The following SMIM10L3 variants were observed in gnomAD, a reference collection of about 807,000 sequenced individuals.
The protein encoded by SMIM10L3 is small integral membrane protein 10 like 3.
chr7:6,334,068 T>TCC, the SMIM10L3 span, among the ~76,000 whole-genome samples: 3 of 151,120 alleles, frequency 2.0e-5, no homozygotes, highest in East Asian at 2.0e-4. Context: ...GGATGGAATC[T>TCC]ATCTCCTGAC....
At chr7:6,345,487 G>A in the SMIM10L3 span, among the ~76,000 whole-genome samples, 2 of 152,174 alleles carry the variant, frequency 1.3e-5, no homozygotes, top group South Asian at 4.2e-4. Context: ...AATAGTCCAG[G>A]CGAGTGGATA....
chr7:6,342,596 C>G, the SMIM10L3 span, among the ~76,000 whole-genome samples: 1 of 152,090 alleles, frequency 6.6e-6, no homozygotes, highest in Non-Finnish European at 1.5e-5. Flanking sequence ...TCCAGCAATT[C>G]TGCTCTAAGT....
chr7:6,337,765 T>C, the SMIM10L3 span, among the ~76,000 whole-genome samples: 2 of 151,602 alleles, frequency 1.3e-5, no homozygotes, highest in African/African-American at 2.4e-5. Flanking sequence ...ATAAACTATT[T>C]AATTCTCTCA....
chr7:6,336,163 A>G, the SMIM10L3 span, among the ~76,000 whole-genome samples: 1 of 125,476 alleles, frequency 8.0e-6, no homozygotes, highest in Non-Finnish European at 1.6e-5. Context: ...ACAGAGTGAG[A>G]TTTTGCCTCA....
chr7:6,341,530 T>A, the SMIM10L3 span, among the ~76,000 whole-genome samples: 298 of 141,838 alleles, frequency 2.1e-3, 1 homozygote, highest in African/African-American at 7.2e-3. Flanking sequence ...TAAAAAAAAA[T>A]TTTTTTTAAA....
chr7:6,333,043 G>C, the SMIM10L3 span, among the ~76,000 whole-genome samples: 1 of 151,864 alleles, frequency 6.6e-6, no homozygotes, highest in African/African-American at 2.4e-5. Flanking sequence ...TGTAATCCCA[G>C]CTACCAGGGA....
the SMIM10L3 span, among the ~76,000 whole-genome samples, chr7:6,344,287 ACT>A: frequency 6.6e-6 from 1 of 152,132 alleles, no homozygotes; most frequent in South Asian, 2.1e-4. Context: ...ATGAACAAAA[ACT>A]CTAAAACCTG....
chr7:6,340,700 C>A, the SMIM10L3 span, among the ~76,000 whole-genome samples: 1 of 151,830 alleles, frequency 6.6e-6, no homozygotes, highest in African/African-American at 2.4e-5. Context: ...GAGATCGAGA[C>A]CATCCTGGCT....
chr7:6,345,754 T>C, the SMIM10L3 span, among the ~76,000 whole-genome samples: 1 of 151,872 alleles, frequency 6.6e-6, no homozygotes, highest in Non-Finnish European at 1.5e-5. Flanking sequence ...TAAAATCTGT[T>C]TTTTTGGTGG....
chr7:6,343,396 T>TCA, the SMIM10L3 span, among the ~76,000 whole-genome samples: 2 of 76,880 alleles, frequency 2.6e-5, no homozygotes, highest in Admixed American at 1.9e-4. Context: ...AATAATAATT[T>TCA]CATATATATA....
At chr7:6,330,763 AGCCAGTCTCGCC>A in the SMIM10L3 span, 2 of 1,613,976 alleles carry the variant, frequency 1.2e-6, no homozygotes, top group African/African-American at 2.7e-5. Flanking sequence ...CCCTCCTCCC[AGCCAGTCTCGCC>A]GCCCCAGAGC....
the SMIM10L3 span, among the ~76,000 whole-genome samples, chr7:6,343,214 T>C: frequency 7.3e-5 from 11 of 150,454 alleles, 1 homozygote; most frequent in African/African-American, 2.4e-4. Flanking sequence ...CCGTCTCTAC[T>C]AAAAATACAA....
chr7:6,335,500 C>T, the SMIM10L3 span, among the ~76,000 whole-genome samples: 17 of 151,528 alleles, frequency 1.1e-4, no homozygotes, highest in Non-Finnish European at 2.9e-5. Flanking sequence ...AGTGTTGGGA[C>T]TACAGGTGTG....
the SMIM10L3 span, among the ~76,000 whole-genome samples, chr7:6,340,516 G>A: frequency 6.6e-6 from 1 of 152,106 alleles, no homozygotes; most frequent in East Asian, 1.9e-4. Flanking sequence ...GTTGGCTGAA[G>A]GGCAAATACA....
the SMIM10L3 span, among the ~76,000 whole-genome samples, chr7:6,332,208 T>G: frequency 6.6e-6 from 1 of 152,064 alleles, no homozygotes; most frequent in Non-Finnish European, 1.5e-5. Context: ...GTTATGTAAT[T>G]TTATAGGGAC....
At chr7:6,330,313 C>A in the SMIM10L3 span, 2 of 1,487,726 alleles carry the variant, frequency 1.3e-6, no homozygotes, top group East Asian at 2.3e-5. Flanking sequence ...AGACTTAATG[C>A]GAAAGAAATC....
At chr7:6,337,587 A>T in the SMIM10L3 span, among the ~76,000 whole-genome samples, 4,652 of 138,210 alleles carry the variant, frequency 0.034, 445 homozygotes, top group East Asian at 0.44. Context: ...CAGTACCATT[A>T]TTTTTTTTCA....
the SMIM10L3 span, chr7:6,330,762 C>T: frequency 1.9e-6 from 3 of 1,614,154 alleles, no homozygotes; most frequent in Admixed American, 3.3e-5. Flanking sequence ...GCCCTCCTCC[C>T]AGCCAGTCTC....
the SMIM10L3 span, among the ~76,000 whole-genome samples, chr7:6,343,397 C>CATATATAT: frequency 3.6e-4 from 31 of 86,976 alleles, no homozygotes; most frequent in Non-Finnish European, 5.5e-4. Flanking sequence ...ATAATAATTT[C>CATATATAT]ATATATATAT....
Sources: gnomAD v4.1 joint callset for allele counts (sites outside exome capture counted in the v4.1 genomes callset) on GRCh38, gnomAD v4.1.1 for gene constraint, MANE v1.5 for transcripts, NCBI Gene and HGNC (gene_info 2026-07-23, HGNC 2026-07-21) for gene names.